The following RBM44 variants were observed in gnomAD, a reference collection of about 807,000 sequenced individuals.
RBM44 encodes the protein RNA binding motif protein 44.
Under a neutral mutation model 105.1 loss-of-function variants are expected in RBM44, and 66 were observed. The observed-to-expected ratio is 0.63, with a 90% confidence interval of 0.52 to 0.77. The LOEUF is 0.77. Ranked by LOEUF, RBM44 falls within the 30% of genes least tolerant of loss-of-function variation. RBM44 has a pLI of 0.00. For synonymous variants in RBM44, 365 were observed against 417.6 expected, an observed-to-expected ratio of 0.87 and a Z score of 1.54; for missense variants, 1,122 against 1,207.8, an observed-to-expected ratio of 0.93 and a Z score of 1.05.
chr2:237,804,245 G>A (rs1353521184), intron 1 of RBM44, among the ~76,000 whole-genome samples: 2 of 152,204 alleles, frequency 1.3e-5, no homozygotes, highest in African/African-American at 2.4e-5. Flanking sequence ...ATTGTGAATA[G>A]CACAGTGATG....
At chr2:237,810,157 T>C (rs2061642226) in intron 1 of RBM44, among the ~76,000 whole-genome samples, 1 of 152,264 alleles carries the variant, frequency 6.6e-6, no homozygotes. Flanking sequence ...AAATCTGGTA[T>C]GTGTTTTACA....
chr2:237,830,912 G>A lies in RBM44; in HGVS notation c.2886+1410G>A, dbSNP rs190463587. Among the ~76,000 whole-genome samples the A allele has an allele frequency of 6.2e-4, 93 of 148,984 alleles. 1 individual carries two copies. The highest frequency in any genetic ancestry group is 6.9e-3 in the Middle Eastern group (2 of 288). ...TTGCTGTATACTTTTATAATTCACC[G>A]TCTATCTACAAAAAAAAAAAATCCT... is the stretch of plus-strand genomic sequence containing the variant. On this transcript the variant is annotated intron_variant, in intron 13 of 15. Coordinates refer to ENST00000316997, the MANE Select transcript of RBM44 (RefSeq NM_001080504.3).
intron 1 of RBM44, among the ~76,000 whole-genome samples, chr2:237,811,233 C>G (rs573277393): frequency 6.6e-6 from 1 of 152,052 alleles, no homozygotes; most frequent in African/African-American, 2.4e-5. Flanking sequence ...CTTATCCCTT[C>G]GATGCTTTAT....
chr2:237,836,248 T>C (rs1346695277), intron 15 of RBM44, among the ~76,000 whole-genome samples: 1 of 152,192 alleles, frequency 6.6e-6, no homozygotes, highest in Admixed American at 6.5e-5. Flanking sequence ...GCCTCCACTC[T>C]GTGAATGGAA....
chr2:237,805,866 A>G lies in RBM44; in HGVS notation c.-19+7005A>G, dbSNP rs533732395. The stretch of plus-strand genomic sequence containing the variant: ...TGTAGTCCCAGCTACTCAAGGGGGT[A>G]GGTGGGGGAGTGCTAAGGTGGGAGG... On this transcript the variant is annotated intron_variant, in intron 1 of 15. Coordinates refer to ENST00000316997, the MANE Select transcript of RBM44 (RefSeq NM_001080504.3). Among the ~76,000 whole-genome samples the G allele has an allele frequency of 1.1e-4, 17 of 152,044 alleles. No homozygotes were observed. In the East Asian group the frequency reaches 3.3e-3, roughly 29 times the overall value.
At chr2:237,833,420 C>G (rs2061921704) in intron 13 of RBM44, among the ~76,000 whole-genome samples, 1 of 152,152 alleles carries the variant, frequency 6.6e-6, no homozygotes, top group South Asian at 2.1e-4. Flanking sequence ...TTAATTTTGT[C>G]TCTTCGCAAT....
chr2:237,820,093 T>C (rs79418672), intron 4 of RBM44, 82 bp from the exon 5 acceptor site: 22,190 of 714,108 alleles, frequency 0.031, 496 homozygotes, highest in Middle Eastern at 0.034. Context: ...ATATAAAAAA[T>C]TTAAAATCTG....
intron 13 of RBM44, among the ~76,000 whole-genome samples, chr2:237,833,651 A>G (rs1448382183): frequency 6.6e-6 from 1 of 152,190 alleles, no homozygotes; most frequent in Non-Finnish European, 1.5e-5. Flanking sequence ...GTGCATCCAA[A>G]ATGAAACTAG....
chr2:237,812,095 A>G (rs1232667692), intron 1 of RBM44, among the ~76,000 whole-genome samples: 1 of 152,130 alleles, frequency 6.6e-6, no homozygotes. Flanking sequence ...AGCTCATGCA[A>G]TCCACCCACC....
chr2:237,825,947 T>A (rs2150984614), intron 10 of RBM44, among the ~76,000 whole-genome samples: 1 of 152,262 alleles, frequency 6.6e-6, no homozygotes, highest in African/African-American at 2.4e-5. Flanking sequence ...GCTGACAAAC[T>A]CTGCCTGGAT....
intron 12 of RBM44, among the ~76,000 whole-genome samples, chr2:237,828,333 A>G (rs2061869311): frequency 6.6e-6 from 1 of 152,126 alleles, no homozygotes; most frequent in South Asian, 2.1e-4. Context: ...TGTGTCTTAA[A>G]TGAAGTCATA....
intron 15 of RBM44, 40 bp downstream of exon 15, chr2:237,834,463 A>C (rs934989874): frequency 2.0e-6 from 2 of 1,013,448 alleles, no homozygotes; most frequent in Non-Finnish European, 2.8e-6. Context: ...ATATTACTTA[A>C]AATTTATAAG....
chr2:237,830,859 G>A (rs1253936192), intron 13 of RBM44, among the ~76,000 whole-genome samples: 1 of 151,120 alleles, frequency 6.6e-6, no homozygotes. Context: ...CTTTTTCAGA[G>A]TTATTGTAGC....
chr2:237,822,021 T>C (rs2061797175), intron 8 of RBM44, among the ~76,000 whole-genome samples, 194 bp downstream of exon 8: 1 of 152,090 alleles, frequency 6.6e-6, no homozygotes, highest in Non-Finnish European at 1.5e-5. Flanking sequence ...GTCAACCGTA[T>C]ATGTTGAGTA....
chr2:237,820,057 TA>T, intron 4 of RBM44, 117 bp from the exon 5 acceptor site: 1 of 523,770 alleles, frequency 1.9e-6, no homozygotes, highest in Non-Finnish European at 3.3e-6. Context: ...ATCTTTAGTA[TA>T]AATTGATTTA....
chr2:237,823,220 A>G (rs1051622171), intron 8 of RBM44, among the ~76,000 whole-genome samples: 1 of 152,026 alleles, frequency 6.6e-6, no homozygotes, highest in Non-Finnish European at 1.5e-5. Flanking sequence ...CATTATACAC[A>G]GACTGGATTC....
At chr2:237,805,735 C>T (rs540277943) in intron 1 of RBM44, among the ~76,000 whole-genome samples, 4 of 152,284 alleles carry the variant, frequency 2.6e-5, no homozygotes, top group Middle Eastern at 3.4e-3. Context: ...GAGGCCAAGG[C>T]GGGAGGATTG....
At chr2:237,824,466 TAA>T (rs1334776030) in intron 10 of RBM44, 47 bp downstream of exon 10, 1 of 1,524,626 alleles carries the variant, frequency 6.6e-7, no homozygotes, top group Non-Finnish European at 9.0e-7. Context: ...AGATCATTTG[TAA>T]AATAGTGCTT....
Position 237,827,644 on chromosome 2 carries a change from G to A in RBM44, c.2600+141G>A. The A allele has an allele frequency of 2.1e-5, 13 of 611,800 alleles. No individual in the cohort carries two copies. In the South Asian group the frequency reaches 2.8e-4, roughly 13 times the overall value. 37.9% of individuals were successfully genotyped at this position (611,800 alleles called of 1,614,324 possible). A position where few individuals can be genotyped will look rare whatever the true frequency, so the allele number is the denominator to read the frequency against. ...TCACAGGCCAGGGAAGGGGACATAG[G>A]GACAAATAGCTGCAATCTTGAGTTG... On this transcript the variant is annotated intron_variant, in intron 12 of 15. Coordinates refer to ENST00000316997, the MANE Select transcript of RBM44 (RefSeq NM_001080504.3).
Sources: allele counts gnomAD v4.1 joint callset (sites outside exome capture counted in the v4.1 genomes callset), GRCh38; gene constraint gnomAD v4.1.1; transcripts MANE v1.5; gene names NCBI Gene and HGNC (gene_info 2026-07-23, HGNC 2026-07-21).